KCNT2: variants seen among roughly 807,000 people sequenced by gnomAD.
KCNT2 encodes potassium channel subfamily T member 2.
KCNT2 carries 67 observed loss-of-function variants against 153.8 expected under a neutral mutation model. The ratio of observed to expected loss-of-function variants is 0.44; its 90% CI spans 0.36 to 0.53. KCNT2 has a LOEUF of 0.53. Among genes scored for constraint, KCNT2 ranks in the 20% least tolerant of loss-of-function variants. The pLI, the probability that KCNT2 is intolerant of heterozygous loss-of-function variation, is 0.00. For synonymous variants in KCNT2, 500 were observed against 458.8 expected (o/e 1.09, Z -1.15); for missense variants, 975 against 1,354.8 (o/e 0.72, Z 4.40).
intron 13 of KCNT2, among the ~76,000 whole-genome samples, chr1:196,376,635 C>T (rs1228034273): frequency 6.6e-6 from 1 of 151,966 alleles, no homozygotes; most frequent in Non-Finnish European, 1.5e-5. Context: ...AACTCTTTAG[C>T]ATTCCACCTT....
At chr1:196,423,197 A>C (rs568325252) in intron 11 of KCNT2, 84 bp from the exon 12 acceptor site, 6 of 840,518 alleles carry the variant, frequency 7.1e-6, no homozygotes, top group African/African-American at 5.2e-5. Flanking sequence ...TCTTGAGTCC[A>C]TATATTGCAC....
At chr1:196,258,908 T>A (rs1236276009) in intron 25 of KCNT2, among the ~76,000 whole-genome samples, 1 of 152,174 alleles carries the variant, frequency 6.6e-6, no homozygotes, top group Admixed American at 6.5e-5. Context: ...ACACTCAATT[T>A]AAATAATTAA....
chr1:196,545,759 G>A, intron 1 of KCNT2, among the ~76,000 whole-genome samples: 1 of 107,568 alleles, frequency 9.3e-6, no homozygotes. Context: ...TATAATTTGT[G>A]TTTTCATAGA....
At chr1:196,478,894 C>T (rs1367030756) in intron 5 of KCNT2, among the ~76,000 whole-genome samples, 1 of 152,032 alleles carries the variant, frequency 6.6e-6, no homozygotes, top group African/African-American at 2.4e-5. Context: ...CAGAAAAAAA[C>T]AATGTTGAAT....
intron 8 of KCNT2, among the ~76,000 whole-genome samples, chr1:196,431,491 C>T (rs762346704): frequency 2.0e-5 from 3 of 152,044 alleles, no homozygotes; most frequent in African/African-American, 7.2e-5. Context: ...GGGGGAAATA[C>T]CGACGGTAAC....
intron 21 of KCNT2, among the ~76,000 whole-genome samples, chr1:196,311,165 T>C (rs949009065): frequency 6.6e-6 from 1 of 151,840 alleles, no homozygotes; most frequent in Non-Finnish European, 1.5e-5. Context: ...TTTTCCCCAA[T>C]AATTGCCACA....
chr1:196,535,634 G>A (rs958426023), intron 1 of KCNT2, among the ~76,000 whole-genome samples: 4 of 152,150 alleles, frequency 2.6e-5, no homozygotes, highest in African/African-American at 9.7e-5. Context: ...GGTGCTAAAT[G>A]AGGTCTGAGG....
intron 14 of KCNT2, 71 bp from the exon 15 acceptor site, chr1:196,342,299 G>T: frequency 2.2e-6 from 3 of 1,340,852 alleles, no homozygotes; most frequent in Non-Finnish European, 2.1e-6. Context: ...AAAAACAGTT[G>T]TTATAGAACT....
intron 24 of KCNT2, 48 bp downstream of exon 24, chr1:196,282,225 A>G: frequency 9.7e-7 from 1 of 1,034,984 alleles, no homozygotes; most frequent in Non-Finnish European, 1.5e-6. Flanking sequence ...GATAGATTTC[A>G]GAACCTTCTA....
chr1:196,429,439 A>T (rs976536242), intron 9 of KCNT2, 138 bp downstream of exon 9: 9 of 504,750 alleles, frequency 1.8e-5, no homozygotes, highest in African/African-American at 1.8e-4. Context: ...AATTTATGTA[A>T]TTGATTAAAT....
chr1:196,529,570 G>A (rs1464182750), intron 1 of KCNT2, among the ~76,000 whole-genome samples: 1 of 152,046 alleles, frequency 6.6e-6, no homozygotes, highest in Non-Finnish European at 1.5e-5. Context: ...AAGAAATGGA[G>A]GCTTGTGTTT....
chr1:196,408,805 C>A (rs771456097), intron 12 of KCNT2, among the ~76,000 whole-genome samples: 1 of 151,512 alleles, frequency 6.6e-6, no homozygotes, highest in Admixed American at 6.6e-5. Context: ...TGATGTATCT[C>A]TGTGAATGTT....
chr1:196,588,205 A>C (rs1662919120), intron 1 of KCNT2, among the ~76,000 whole-genome samples: 1 of 151,860 alleles, frequency 6.6e-6, no homozygotes, highest in South Asian at 2.1e-4. Flanking sequence ...GTACATAAAC[A>C]TTTGACTTGT....
chr1:196,455,531 ATTTG>A (rs1557957726), intron 8 of KCNT2, among the ~76,000 whole-genome samples: 1 of 151,578 alleles, frequency 6.6e-6, no homozygotes, highest in Non-Finnish European at 1.5e-5. Context: ...TTTTCCTATT[ATTTG>A]TTTATTATCT....
At chr1:196,342,448 G>GTATA (rs72201546) in intron 14 of KCNT2, among the ~76,000 whole-genome samples, 1 of 100,266 alleles carries the variant, frequency 1.0e-5, no homozygotes, top group African/African-American at 4.1e-5. Context: ...ATATATATAT[G>GTATA]TATATATATA....
intron 13 of KCNT2, among the ~76,000 whole-genome samples, chr1:196,397,143 C>T (rs1671006490): frequency 6.6e-6 from 1 of 151,332 alleles, no homozygotes; most frequent in African/African-American, 2.4e-5. Flanking sequence ...ATCTGCCTAC[C>T]TGTCTTAAGT....
chr1:196,421,672 T>C (rs1231145518), intron 12 of KCNT2, among the ~76,000 whole-genome samples: 2 of 152,066 alleles, frequency 1.3e-5, no homozygotes, highest in African/African-American at 4.8e-5. Flanking sequence ...AGTTTTCCAA[T>C]CATTTTTTGG....
intron 26 of KCNT2, among the ~76,000 whole-genome samples, chr1:196,239,283 G>C (rs1159928573): frequency 6.6e-6 from 1 of 151,502 alleles, no homozygotes; most frequent in Non-Finnish European, 1.5e-5. Context: ...TTCATTAAAA[G>C]TACTGTTTCA....
At chr1:196,504,022 G>T (rs956989110) in intron 1 of KCNT2, among the ~76,000 whole-genome samples, 1 of 152,170 alleles carries the variant, frequency 6.6e-6, no homozygotes, top group African/African-American at 2.4e-5. Context: ...TTTGAAGGAA[G>T]AAGGGAAAAT....
Sources: gnomAD v4.1 joint callset for allele counts (sites outside exome capture counted in the v4.1 genomes callset) on GRCh38, gnomAD v4.1.1 for gene constraint, MANE v1.5 for transcripts, NCBI Gene and HGNC (gene_info 2026-07-23, HGNC 2026-07-21) for gene names.